Variants in CSMD1 observed in about 807,000 individuals in gnomAD.
CSMD1 encodes CUB and sushi domain-containing protein 1.
Under a neutral mutation model 417.5 loss-of-function variants are expected in CSMD1, and 213 were observed. That is an observed-to-expected ratio of 0.51 (90% confidence interval 0.46 to 0.57). CSMD1 has a LOEUF of 0.57. CSMD1 is among the 20% of genes least tolerant of loss of function. The pLI, the probability that CSMD1 is intolerant of heterozygous loss-of-function variation, is 0.00. For synonymous variants in CSMD1, 2,862 were observed against 1,736.8 expected, an observed-to-expected ratio of 1.65 and a Z score of -16.11; for missense variants, 6,923 against 4,529.7, an observed-to-expected ratio of 1.53 and a Z score of -15.17.
Position 3,610,900 on chromosome 8 carries a change from A to T in CSMD1, c.1097+5810T>A, listed in dbSNP as rs1403109963. Reference sequence around the variant, plus strand: ...GTTGCCTTTTCCATTGACAGTGCAGAAACAATGATGGGAAAAACTGATGGC... The same window carrying T: ...GTTGCCTTTTCCATTGACAGTGCAGTAACAATGATGGGAAAAACTGATGGC... On this transcript the variant is annotated intron_variant, in intron 8 of 69. Transcript: ENST00000635120. Among the ~76,000 whole-genome samples, 3 of 151,982 alleles carry T rather than the reference A, an allele frequency of 2.0e-5. No homozygotes were observed. The East Asian group carries it at 5.8e-4, about 29-fold the overall frequency.
At chr8:3,299,986 T>A (rs188919397) in intron 25 of CSMD1, among the ~76,000 whole-genome samples, 23 of 152,244 alleles carry the variant, frequency 1.5e-4, no homozygotes, top group Admixed American at 1.5e-3. Flanking sequence ...AAATTCATCA[T>A]GAAAAGTGCC....
chr8:4,107,441 G>C (rs554197606), intron 3 of CSMD1, among the ~76,000 whole-genome samples: 1 of 152,194 alleles, frequency 6.6e-6, no homozygotes, highest in East Asian at 1.9e-4. Context: ...CATTGGTACG[G>C]ATTTGTTTAA....
intron 25 of CSMD1, among the ~76,000 whole-genome samples, chr8:3,296,223 G>T (rs755285768): frequency 1.3e-4 from 20 of 151,914 alleles, no homozygotes; most frequent in Admixed American, 6.6e-5. Flanking sequence ...GCAGATTTTG[G>T]TGCAGCCTTG....
At chr8:3,461,052 G>C (rs1490152375) in intron 12 of CSMD1, among the ~76,000 whole-genome samples, 1 of 152,132 alleles carries the variant, frequency 6.6e-6, no homozygotes, top group Non-Finnish European at 1.5e-5. Context: ...CAGCACATGA[G>C]TTCATGTGAC....
At chr8:4,202,254 T>G (rs571617855) in intron 3 of CSMD1, among the ~76,000 whole-genome samples, 2 of 152,168 alleles carry the variant, frequency 1.3e-5, no homozygotes, top group Non-Finnish European at 2.9e-5. Context: ...CACAATTCAG[T>G]TAAGATTTTA....
intron 2 of CSMD1, among the ~76,000 whole-genome samples, chr8:4,450,225 G>A (rs1384848321): frequency 6.6e-6 from 1 of 152,198 alleles, no homozygotes; most frequent in East Asian, 1.9e-4. Flanking sequence ...ATGTGAGGGA[G>A]ACTAAGATGA....
At chr8:3,998,618 G>A (rs547854438) in intron 4 of CSMD1, among the ~76,000 whole-genome samples, 2 of 152,100 alleles carry the variant, frequency 1.3e-5, no homozygotes, top group Non-Finnish European at 2.9e-5. Context: ...TAACATAAAA[G>A]AGGCACATCA....
chr8:3,031,249 G>C lies in CSMD1; in HGVS notation c.7661-1736C>G, dbSNP rs185351744. Among the ~76,000 whole-genome samples the C allele has an allele frequency of 3.0e-4, 44 of 146,052 alleles. 1 individual carries two copies. Among genetic ancestry groups the C allele is most frequent in the Admixed American group, 1.2e-3 (17 of 14,164 alleles). On this transcript the variant is annotated intron_variant, in intron 50 of 69. Transcript: ENST00000635120. ...ATGCACCGCATGTTCTCACTCATAG[G>C]TGGGAATTGAACAACAAGATCACAT...
At chr8:4,391,569 G>T (rs1176498631) in intron 3 of CSMD1, among the ~76,000 whole-genome samples, 1 of 151,998 alleles carries the variant, frequency 6.6e-6, no homozygotes. Flanking sequence ...CTTGGCCAGT[G>T]ACTTTCAGCT....
chr8:3,661,968 C>T (rs1014510013), intron 7 of CSMD1, among the ~76,000 whole-genome samples: 2 of 151,984 alleles, frequency 1.3e-5, no homozygotes, highest in African/African-American at 4.8e-5. Flanking sequence ...AACGGGACAC[C>T]CAGAGGCTGC....
intron 3 of CSMD1, among the ~76,000 whole-genome samples, chr8:4,104,461 G>A (rs766616745): frequency 6.6e-6 from 1 of 151,700 alleles, no homozygotes; most frequent in Non-Finnish European, 1.5e-5. Flanking sequence ...CAGGATATGT[G>A]CACTGAATGT....
rs764430777 is a variant in CSMD1 at position 3,408,257 on chromosome 8, TA to T, written c.1745-33del. ...AGATGCAAATATATTTTCAAACAGT[TA>T]TGCACATATCCAAAGAATTGCCATG... On this transcript the variant is annotated intron_variant, in intron 13 of 69. Transcript: ENST00000635120. 3.2e-5 allele frequency: 48 copies of T among 1,501,620 alleles called. No individual in the cohort carries two copies. In the African/African-American group the frequency reaches 5.7e-4, roughly 18 times the overall value. The allele number at this position is 1,501,620 out of a possible 1,614,324, so 93.0% of individuals were successfully genotyped here.
intron 31 of CSMD1, among the ~76,000 whole-genome samples, chr8:3,205,239 C>T (rs973416769): frequency 6.6e-6 from 1 of 152,090 alleles, no homozygotes; most frequent in African/African-American, 2.4e-5. Flanking sequence ...GTTTGGGAAA[C>T]CTAAGAAGAA....
chr8:3,449,802 G>C (rs1027114805), intron 12 of CSMD1, among the ~76,000 whole-genome samples: 1 of 152,184 alleles, frequency 6.6e-6, no homozygotes, highest in African/African-American at 2.4e-5. Flanking sequence ...ACAGGCATGA[G>C]CCACTGCACC....
chr8:4,841,925 A>AAAAAAAACAAAAAAC (rs1563561133), intron 1 of CSMD1, among the ~76,000 whole-genome samples: 2 of 98,812 alleles, frequency 2.0e-5, no homozygotes, highest in African/African-American at 9.4e-5. Flanking sequence ...AAAAAAAAAA[A>AAAAAAAACAAAAAAC]AAAAAAAAAA....
At chr8:4,764,882 A>AAAAAAAC (rs1812345806) in intron 1 of CSMD1, among the ~76,000 whole-genome samples, 1 of 47,558 alleles carries the variant, frequency 2.1e-5, no homozygotes, top group Non-Finnish European at 4.0e-5. Context: ...CAAAAAAAAA[A>AAAAAAAC]AAAAAAAAAA....
chr8:3,740,330 T>C (rs1429172884), intron 6 of CSMD1, among the ~76,000 whole-genome samples: 1 of 152,196 alleles, frequency 6.6e-6, no homozygotes, highest in Non-Finnish European at 1.5e-5. Flanking sequence ...GGTCTCGAAC[T>C]CCTTAACTCA....
At chr8:4,371,086 G>C (rs1802368532) in intron 3 of CSMD1, among the ~76,000 whole-genome samples, 1 of 152,160 alleles carries the variant, frequency 6.6e-6, no homozygotes, top group African/African-American at 2.4e-5. Context: ...CTGTTCTTTA[G>C]ATGGGGCATT....
intron 1 of CSMD1, among the ~76,000 whole-genome samples, chr8:4,917,901 G>A (rs1418347207): frequency 6.6e-6 from 1 of 152,108 alleles, no homozygotes; most frequent in Non-Finnish European, 1.5e-5. Flanking sequence ...ATTCAAAACA[G>A]GTCACTGCTC....
Sources: gnomAD v4.1 joint callset for allele counts (sites outside exome capture counted in the v4.1 genomes callset) on GRCh38, gnomAD v4.1.1 for gene constraint, MANE v1.5 for transcripts, NCBI Gene and HGNC (gene_info 2026-07-23, HGNC 2026-07-21) for gene names.